LOC128092252: variants seen among roughly 807,000 people sequenced by gnomAD.
chr15:50,686,682 A>C, the LOC128092252 span: 13 of 1,022,924 alleles, frequency 1.3e-5, no homozygotes, highest in Non-Finnish European at 1.4e-5. Context: ...GAACTAACTC[A>C]GCTCCGGCGC....
the LOC128092252 span, among the ~76,000 whole-genome samples, chr15:50,670,588 A>G: frequency 6.6e-6 from 1 of 152,090 alleles, no homozygotes; most frequent in African/African-American, 2.4e-5. Flanking sequence ...GTTACCCTAT[A>G]TAGTTTAAAA....
the LOC128092252 span, among the ~76,000 whole-genome samples, chr15:50,659,193 A>G: frequency 4.6e-5 from 5 of 107,562 alleles, no homozygotes; most frequent in African/African-American, 2.1e-4. Flanking sequence ...ACTCCGTCTC[A>G]AAAAAAAAAA....
chr15:50,651,235 A>C, the LOC128092252 span, among the ~76,000 whole-genome samples: 1 of 147,260 alleles, frequency 6.8e-6, no homozygotes, highest in Non-Finnish European at 1.5e-5. Flanking sequence ...GCATGCAAAG[A>C]AGCAGAAAAC....
chr15:50,685,254 G>A, the LOC128092252 span, among the ~76,000 whole-genome samples: 2 of 152,216 alleles, frequency 1.3e-5, no homozygotes, highest in Admixed American at 1.3e-4. Context: ...CCTGAGGTCA[G>A]GAATTAAGAG....
At chr15:50,671,060 G>T in the LOC128092252 span, among the ~76,000 whole-genome samples, 1 of 152,044 alleles carries the variant, frequency 6.6e-6, no homozygotes, top group Non-Finnish European at 1.5e-5. Context: ...CTATTTTTTT[G>T]TGGTGAGACC....
chr15:50,657,782 T>G, the LOC128092252 span: 11 of 1,611,698 alleles, frequency 6.8e-6, no homozygotes, highest in South Asian at 1.2e-4. Flanking sequence ...TAAACTTACC[T>G]GACGAGTTGC....
At chr15:50,659,090 C>T in the LOC128092252 span, among the ~76,000 whole-genome samples, 19 of 151,038 alleles carry the variant, frequency 1.3e-4, no homozygotes, top group Admixed American at 9.3e-4. Context: ...TCCAGCTACT[C>T]GGGAGGCTGA....
the LOC128092252 span, among the ~76,000 whole-genome samples, chr15:50,684,106 G>A: frequency 6.6e-6 from 1 of 151,522 alleles, no homozygotes; most frequent in East Asian, 1.9e-4. Context: ...GGATCAGCCT[G>A]TCGCCGCCTC....
the LOC128092252 span, among the ~76,000 whole-genome samples, chr15:50,683,906 G>C: frequency 6.6e-6 from 1 of 151,898 alleles, no homozygotes; most frequent in South Asian, 2.1e-4. Context: ...CTCTCACCCA[G>C]GCTGGAGTGA....
At chr15:50,665,220 G>A in the LOC128092252 span, among the ~76,000 whole-genome samples, 2 of 151,874 alleles carry the variant, frequency 1.3e-5, no homozygotes, top group East Asian at 1.9e-4. Flanking sequence ...CCAACATGGT[G>A]AAACCCGTCT....
the LOC128092252 span, among the ~76,000 whole-genome samples, chr15:50,668,150 A>T: frequency 2.4e-4 from 36 of 152,274 alleles, no homozygotes; most frequent in Non-Finnish European, 4.1e-4. Context: ...CAGCTATAGG[A>T]CTTTCACAGG....
chr15:50,677,738 CAAAAAAAAAAA>C, the LOC128092252 span, among the ~76,000 whole-genome samples: 1 of 38,178 alleles, frequency 2.6e-5, no homozygotes, highest in Non-Finnish European at 5.1e-5. Flanking sequence ...GACCCCGTAT[CAAAAAAAAAAA>C]AAAAAAAAAA....
chr15:50,682,341 G>A, the LOC128092252 span, among the ~76,000 whole-genome samples: 1 of 151,544 alleles, frequency 6.6e-6, no homozygotes, highest in African/African-American at 2.4e-5. Context: ...CAGAAAAACA[G>A]GTTAAAAAAA....
chr15:50,661,399 C>G, the LOC128092252 span, among the ~76,000 whole-genome samples: 7 of 152,064 alleles, frequency 4.6e-5, no homozygotes, highest in Admixed American at 4.6e-4. Flanking sequence ...AATAAAGCCA[C>G]CAAATGTTAT....
At chr15:50,667,846 T>G in the LOC128092252 span, among the ~76,000 whole-genome samples, 3 of 152,224 alleles carry the variant, frequency 2.0e-5, no homozygotes, top group African/African-American at 7.2e-5. Flanking sequence ...GACATAAAAA[T>G]CATACAGGAA....
chr15:50,670,166 G>C, the LOC128092252 span, among the ~76,000 whole-genome samples: 1 of 152,076 alleles, frequency 6.6e-6, no homozygotes, highest in East Asian at 1.9e-4. Flanking sequence ...ACCCCATTCA[G>C]CAAGAAGAGG....
At chr15:50,655,437 G>GAAAAAAAA in the LOC128092252 span, among the ~76,000 whole-genome samples, 59 of 89,170 alleles carry the variant, frequency 6.6e-4, no homozygotes, top group Middle Eastern at 6.8e-3. Flanking sequence ...CATCTCAAAG[G>GAAAAAAAA]AAAAAAAAAA....
the LOC128092252 span, among the ~76,000 whole-genome samples, chr15:50,684,478 T>TA: frequency 6.6e-6 from 1 of 151,660 alleles, no homozygotes. Context: ...CCATCTCCAC[T>TA]AAAAATACAA....
chr15:50,663,626 C>T, the LOC128092252 span, among the ~76,000 whole-genome samples: 1 of 152,066 alleles, frequency 6.6e-6, no homozygotes, highest in Admixed American at 6.6e-5. Flanking sequence ...CACTACGAAC[C>T]AAAAACCTTA....
Sources: allele counts gnomAD v4.1 joint callset (sites outside exome capture counted in the v4.1 genomes callset), GRCh38; gene constraint gnomAD v4.1.1; transcripts MANE v1.5.